The following ADGRL3 variants were observed in gnomAD, a reference collection of about 807,000 sequenced individuals.
ADGRL3 encodes calcium-independent alpha-latrotoxin receptor 3.
A neutral mutation model predicts 153.5 loss-of-function variants in ADGRL3; 62 were observed. That is an observed-to-expected ratio of 0.40 (90% CI 0.33 to 0.50). The LOEUF is 0.50. Ranked by LOEUF, ADGRL3 falls within the 20% of genes least tolerant of loss-of-function variation. The pLI, the probability that ADGRL3 is intolerant of heterozygous loss-of-function variation, is 0.47. For missense variants in ADGRL3, 1,641 were observed against 1,859.4 expected (o/e 0.88, Z 2.16); for synonymous variants, 710 against 672.5 (o/e 1.06, Z -0.86).
intron 2 of ADGRL3, among the ~76,000 whole-genome samples, chr4:61,402,767 T>C (rs1008054713): frequency 2.6e-5 from 4 of 152,124 alleles, no homozygotes; most frequent in Admixed American, 6.6e-5. Flanking sequence ...AATGTTATTC[T>C]TTCTTAATAA....
intron 9 of ADGRL3, among the ~76,000 whole-genome samples, chr4:61,846,846 G>A (rs1258782573): frequency 6.6e-6 from 1 of 151,772 alleles, no homozygotes; most frequent in Non-Finnish European, 1.5e-5. Flanking sequence ...GTGGGGTGGG[G>A]CGGGAAGAAG....
At chr4:61,379,445 A>T (rs2096641818) in intron 1 of ADGRL3, among the ~76,000 whole-genome samples, 1 of 152,024 alleles carries the variant, frequency 6.6e-6, no homozygotes. Context: ...TTAAGGATTA[A>T]CTCTTGTAGA....
intron 24 of ADGRL3, among the ~76,000 whole-genome samples, chr4:62,044,234 T>C (rs1261215638): frequency 6.6e-6 from 1 of 152,068 alleles, no homozygotes; most frequent in Non-Finnish European, 1.5e-5. Context: ...TTATCTTTGG[T>C]ATATAGGCAT....
At chr4:61,640,726 C>A (rs937502692) in intron 5 of ADGRL3, among the ~76,000 whole-genome samples, 16 of 152,158 alleles carry the variant, frequency 1.1e-4, no homozygotes, top group Non-Finnish European at 1.8e-4. Flanking sequence ...AGTGCTAAGA[C>A]AATGAGACAA....
intron 5 of ADGRL3, among the ~76,000 whole-genome samples, chr4:61,660,039 A>G (rs973610887): frequency 6.6e-6 from 1 of 152,158 alleles, no homozygotes; most frequent in Non-Finnish European, 1.5e-5. Context: ...TCTCAAATGA[A>G]TTTGTGTGGA....
intron 2 of ADGRL3, among the ~76,000 whole-genome samples, chr4:61,423,063 G>T (rs937183704): frequency 3.9e-5 from 6 of 152,084 alleles, no homozygotes; most frequent in African/African-American, 1.4e-4. Context: ...ATATCAATTT[G>T]GGGGCACATG....
intron 1 of ADGRL3, among the ~76,000 whole-genome samples, chr4:61,228,224 C>T (rs981871601): frequency 6.6e-6 from 1 of 152,148 alleles, no homozygotes; most frequent in Non-Finnish European, 1.5e-5. Context: ...GCCTCTGATG[C>T]TATGAGAATG....
chr4:61,863,554 C>A (rs1417801873), intron 9 of ADGRL3, among the ~76,000 whole-genome samples: 1 of 152,158 alleles, frequency 6.6e-6, no homozygotes, highest in African/African-American at 2.4e-5. Flanking sequence ...CATTCTTTCT[C>A]ACTCATTCCA....
chr4:61,388,541 C>T (rs1301174608), intron 2 of ADGRL3, among the ~76,000 whole-genome samples: 2 of 152,204 alleles, frequency 1.3e-5, no homozygotes, highest in African/African-American at 4.8e-5. Flanking sequence ...GTTCTTTAAT[C>T]CTCTATCTCA....
chr4:61,617,626 T>C (rs1484985566), intron 5 of ADGRL3, among the ~76,000 whole-genome samples: 1 of 152,186 alleles, frequency 6.6e-6, no homozygotes, highest in Non-Finnish European at 1.5e-5. Context: ...TCCACATGTA[T>C]AAAATGGGAT....
At chr4:62,001,432 C>A (rs1466424736) in intron 21 of ADGRL3, among the ~76,000 whole-genome samples, 1 of 152,138 alleles carries the variant, frequency 6.6e-6, no homozygotes, top group Admixed American at 6.6e-5. Context: ...GAAAGATAGT[C>A]TTTGGCAGGA....
intron 13 of ADGRL3, among the ~76,000 whole-genome samples, chr4:61,931,254 C>T (rs1398039427): frequency 3.3e-5 from 5 of 152,084 alleles, no homozygotes; most frequent in African/African-American, 1.2e-4. Flanking sequence ...TGTAAGAGAC[C>T]AAATTATGAA....
chr4:61,650,234 C>A (rs1023484697), intron 5 of ADGRL3, among the ~76,000 whole-genome samples: 6 of 151,824 alleles, frequency 4.0e-5, no homozygotes, highest in Admixed American at 1.3e-4. Context: ...GTAAAAATAC[C>A]ATTTTTAATA....
chr4:61,926,723 C>T (rs535653896), intron 13 of ADGRL3, among the ~76,000 whole-genome samples: 28 of 152,194 alleles, frequency 1.8e-4, no homozygotes, highest in East Asian at 7.7e-4. Context: ...AAATATTAAC[C>T]GTTACTGTAT....
At chr4:61,326,348 C>T (rs1269171319) in intron 1 of ADGRL3, among the ~76,000 whole-genome samples, 2 of 151,880 alleles carry the variant, frequency 1.3e-5, no homozygotes, top group East Asian at 1.9e-4. Context: ...CCATTTTCTA[C>T]GTTTTATTAG....
At chr4:61,629,948 C>A (rs2093059060) in intron 5 of ADGRL3, among the ~76,000 whole-genome samples, 1 of 152,002 alleles carries the variant, frequency 6.6e-6, no homozygotes, top group Non-Finnish European at 1.5e-5. Flanking sequence ...AAGTCCTTGA[C>A]ACAATTCCTG....
At chr4:62,055,052 T>G (rs868111335) in intron 25 of ADGRL3, among the ~76,000 whole-genome samples, 1 of 151,734 alleles carries the variant, frequency 6.6e-6, no homozygotes, top group Admixed American at 6.6e-5. Flanking sequence ...ATTTAGGCAA[T>G]ATGTTACTTC....
chr4:61,532,147 G>A (rs6551631), intron 4 of ADGRL3, among the ~76,000 whole-genome samples: 45,567 of 152,038 alleles, frequency 0.3, 7,039 homozygotes, highest in South Asian at 0.4. Context: ...TTATACAAAG[G>A]TCACCAGTTT....
chr4:61,779,081 G>C (rs554256788), intron 8 of ADGRL3, among the ~76,000 whole-genome samples: 27 of 151,988 alleles, frequency 1.8e-4, no homozygotes, highest in Non-Finnish European at 2.8e-4. Flanking sequence ...ATCACTTGTA[G>C]AGGAAATATT....
Sources: allele counts gnomAD v4.1 joint callset (sites outside exome capture counted in the v4.1 genomes callset), GRCh38; gene constraint gnomAD v4.1.1; transcripts MANE v1.5; gene names NCBI Gene and HGNC (gene_info 2026-07-23, HGNC 2026-07-21).